SETX: variants seen among roughly 807,000 people sequenced by gnomAD.
SETX encodes the protein helicase senataxin.
SETX carries 90 observed loss-of-function variants against 227.2 expected under a neutral mutation model. The ratio of observed to expected loss-of-function variants is 0.40; its 90% CI spans 0.33 to 0.47. The LOEUF (loss-of-function observed/expected upper bound fraction) is 0.47, where lower values mean the gene tolerates loss of function less well. Ranked by LOEUF, SETX falls within the 20% of genes least tolerant of loss-of-function variation. The probability of loss-of-function intolerance (pLI) is 0.91; values close to 1 mark genes in which losing one functional copy is unlikely to be tolerated. For synonymous variants in SETX, 1,210 were observed against 1,113.2 expected (o/e 1.09, Z -1.73); for missense variants, 3,052 against 3,181.5 (o/e 0.96, Z 0.98).
intron 18 of SETX, among the ~76,000 whole-genome samples, chr9:132,283,904 T>C (rs895261764): frequency 3.3e-5 from 5 of 152,202 alleles, no homozygotes; most frequent in African/African-American, 4.8e-5. Context: ...AAATCCTCTA[T>C]TTCCACAGTA....
In SETX at chr9:132,329,571, T is replaced by A. The variant is rs1847087355; in HGVS notation, c.2027A>T (p.Asp676Val). 1.2e-6 allele frequency: 2 copies of A among 1,613,520 alleles called. No homozygotes were observed. Among genetic ancestry groups the A allele is most frequent in the African/African-American group, 1.3e-5 (1 of 74,944 alleles). The change falls in exon 10 of 26, where the codon GAT (aspartate) becomes GTT (valine). Residue 676 changes from aspartate (D) to valine (V), a missense_variant. This residue lies in a region of SETX where 1,483 missense variants were observed against 1,312.0 expected (regional missense o/e 1.13). Transcript: ENST00000224140. ...TAAGAGATGGTCCTCTAGTTTCACA[T>A]CCTTTATATAATTTTGCTCATTATT... ...GDNNEQNYIK[D>V]VKLEDHLLAG... is the part of the protein sequence containing the mutation.
intron 15 of SETX, among the ~76,000 whole-genome samples, chr9:132,290,201 C>T (rs1415869227): frequency 6.6e-6 from 1 of 152,068 alleles, no homozygotes; most frequent in South Asian, 2.1e-4. Flanking sequence ...CAGAGCAAGA[C>T]TCCGTCTCAA....
In SETX at chr9:132,307,107, T is replaced by C. The variant is rs866468531; in HGVS notation, c.5374+4650A>G. On this transcript the variant is annotated intron_variant, in intron 11 of 25. Transcript: ENST00000224140. ...CAGTCTCTACTAAAAATACAAAAAT[T>C]AGCTGGGTGTGGTGGTGAGCACCTG... Among the ~76,000 whole-genome samples the C allele has an allele frequency of 7.9e-5, 12 of 152,182 alleles. No individual in the cohort carries two copies. In the South Asian group the frequency reaches 2.5e-3, roughly 32 times the overall value.
At chr9:132,274,486 T>C (rs1283480498) in intron 23 of SETX, among the ~76,000 whole-genome samples, 1 of 151,342 alleles carries the variant, frequency 6.6e-6, no homozygotes, top group African/African-American at 2.4e-5. Context: ...TCACCCAGGC[T>C]GGAGTGATGC....
At chr9:132,347,031 G>A (rs1277916671) in intron 3 of SETX, among the ~76,000 whole-genome samples, 1 of 152,012 alleles carries the variant, frequency 6.6e-6, no homozygotes, top group Non-Finnish European at 1.5e-5. Flanking sequence ...GAGGTGGGCG[G>A]ATCACCTGAG....
chr9:132,320,804 G>A (rs1846279801), intron 10 of SETX, among the ~76,000 whole-genome samples: 2 of 151,786 alleles, frequency 1.3e-5, no homozygotes, highest in Admixed American at 6.6e-5. Context: ...AAACAGCATT[G>A]ACCAATTAGA....
intron 2 of SETX, 135 bp from the exon 3 acceptor site, chr9:132,349,570 T>C (rs1352260679): frequency 1.2e-6 from 1 of 843,840 alleles, no homozygotes; most frequent in Non-Finnish European, 1.9e-6. Flanking sequence ...TTCTGCTGGC[T>C]GGCTTATCAA....
At chr9:132,275,446 C>T (rs1347839095) in intron 22 of SETX, 26 bp from the exon 23 acceptor site, 2 of 1,578,562 alleles carry the variant, frequency 1.3e-6, no homozygotes, top group Non-Finnish European at 1.7e-6. Flanking sequence ...AAAGAAAACA[C>T]AGTGTTATCA....
At chr9:132,276,209 G>T (rs1344215234) in intron 22 of SETX, among the ~76,000 whole-genome samples, 1 of 152,140 alleles carries the variant, frequency 6.6e-6, no homozygotes, top group Non-Finnish European at 1.5e-5. Flanking sequence ...CAATCAGCTA[G>T]CGATCTCTTC....
chr9:132,290,542 T>C (rs920425280), intron 15 of SETX, among the ~76,000 whole-genome samples: 1 of 130,860 alleles, frequency 7.6e-6, no homozygotes, highest in Non-Finnish European at 1.5e-5. Context: ...GCCACTGTAC[T>C]CTGGCCTGGG....
Position 132,329,512 on chromosome 9 carries a change from T to C in SETX, c.2086A>G (p.Ile696Val), listed in dbSNP as rs775005671. 7.4e-6 allele frequency: 12 copies of C among 1,612,524 alleles called. No homozygotes were observed. In the South Asian group the frequency reaches 1.3e-4, roughly 18 times the overall value. The change falls in exon 10 of 26, where the codon ATT becomes GTT. Residue 696 changes from isoleucine to valine, a missense_variant. Coordinates refer to ENST00000224140, the MANE Select transcript of SETX (RefSeq NM_015046.7). ...GSCLKQSSKN[I>V]FTERAEDQIK... Reference sequence around the variant, plus strand: ...TGATCTTCAGCTCTTTCAGTAAAAATGTTTTTACTACTCTGCTTTAAGCAT... The same window carrying C: ...TGATCTTCAGCTCTTTCAGTAAAAACGTTTTTACTACTCTGCTTTAAGCAT...
chr9:132,281,082 CTCTTT>C (rs1177805054), intron 20 of SETX, among the ~76,000 whole-genome samples: 2 of 152,294 alleles, frequency 1.3e-5, no homozygotes, highest in East Asian at 3.9e-4. Context: ...TAGGATTCTT[CTCTTT>C]ATTTCTGAAG....
chr9:132,320,318 G>A (rs1846237853), intron 10 of SETX, among the ~76,000 whole-genome samples: 1 of 152,174 alleles, frequency 6.6e-6, no homozygotes, highest in South Asian at 2.1e-4. Flanking sequence ...GCTCACGCCT[G>A]TAATCCCAGC....
In SETX at chr9:132,327,315, T is replaced by C. The variant is rs778236359; in HGVS notation, c.4283A>G (p.His1428Arg). The C allele has an allele frequency of 2.0e-5, 33 of 1,614,066 alleles. No homozygotes were observed. Among genetic ancestry groups the C allele is most frequent in the Non-Finnish European group, 2.7e-5 (32 of 1,180,026 alleles). The change falls in exon 10 of 26, where the codon CAT becomes CGT. Residue 1428 changes from histidine to arginine, a missense_variant. By Grantham distance (29) the His-to-Arg change is conservative. Around this residue, in one of 10 missense-constraint regions of SETX, gnomAD observed 1,483 missense variants for 1,312.0 expected, o/e 1.13. Coordinates refer to ENST00000224140, the MANE Select transcript of SETX (RefSeq NM_015046.7). ...PSEPETIKAK[H>R]GSPATDDACP... is the part of the protein sequence containing the mutation. ...AGCATCATCAGTTGCTGGAGACCCA[T>C]GTTTTGCTTTTATGGTTTCTGGTTC... is the stretch of plus-strand genomic sequence containing the variant.
Position 132,326,841 on chromosome 9 carries a change from G to A in SETX, c.4757C>T (p.Pro1586Leu), listed in dbSNP as rs1165229035. Reference protein sequence around the residue: ...EDVFRKPGLPPPASKPLRPTT... With the variant: ...EDVFRKPGLPLPASKPLRPTT... ...AGGTCTCAAAGGTTTAGATGCAGGA[G>A]GAGGCAAGCCAGGTTTACGAAATAC... The change falls in exon 10 of 26, where the codon CCT becomes CTT. Residue 1586 changes from proline to leucine, a missense_variant. By Grantham distance (98) the Pro-to-Leu change is moderately conservative (BLOSUM62 -3). This residue lies in a region of SETX where 1,483 missense variants were observed against 1,312.0 expected (regional missense o/e 1.13). Transcript: ENST00000224140. The A allele has an allele frequency of 2.5e-6, 4 of 1,614,082 alleles. No individual in the cohort carries two copies. The highest frequency in any genetic ancestry group is 3.4e-6 in the Non-Finnish European group (4 of 1,180,044).
In SETX at chr9:132,261,684, CAGG is replaced by C. The variant is rs763673540; in HGVS notation, c.*2552_*2554del. 24 of 153,206 alleles carry C rather than the reference CAGG, an allele frequency of 1.6e-4. No individual in the cohort carries two copies. Among genetic ancestry groups the C allele is most frequent in the Admixed American group, 5.2e-4 (8 of 15,306 alleles). The allele number at this position is 153,206 out of a possible 1,614,324, so 9.5% of individuals were successfully genotyped here. Reference sequence around the variant, plus strand: ...ACATTTTTGTTATAAAATTCATTTACAGGAGGTTATTCACATGTACTTGTCAAA... The same window carrying C: ...ACATTTTTGTTATAAAATTCATTTACAGGTTATTCACATGTACTTGTCAAA... On this transcript the variant is annotated 3_prime_UTR_variant, in exon 26 of 26. Transcript: ENST00000224140.
intron 7 of SETX, among the ~76,000 whole-genome samples, chr9:132,332,302 A>T (rs1232984981): frequency 6.6e-6 from 1 of 152,222 alleles, no homozygotes; most frequent in Non-Finnish European, 1.5e-5. Flanking sequence ...ATTCTAGCAC[A>T]ACATATCAAA....
At chr9:132,276,602 C>A (rs145763859) in intron 22 of SETX, among the ~76,000 whole-genome samples, 1 of 152,188 alleles carries the variant, frequency 6.6e-6, no homozygotes, top group Non-Finnish European at 1.5e-5. Flanking sequence ...CAACACCACT[C>A]CTCTTTGCTG....
At chr9:132,320,489 G>A (rs548107519) in intron 10 of SETX, among the ~76,000 whole-genome samples, 1 of 151,914 alleles carries the variant, frequency 6.6e-6, no homozygotes, top group African/African-American at 2.4e-5. Context: ...AGCTACTCGG[G>A]AGGTTGAGGA....
Sources: allele counts gnomAD v4.1 joint callset (sites outside exome capture counted in the v4.1 genomes callset), GRCh38; gene constraint gnomAD v4.1.1; regional missense constraint gnomAD v4.1.1; transcripts MANE v1.5; gene names NCBI Gene and HGNC (gene_info 2026-07-23, HGNC 2026-07-21).